Variants in TSHZ2 observed in about 807,000 individuals in gnomAD.
TSHZ2 encodes the protein teashirt zinc finger homeobox 2.
A neutral mutation model predicts 74.4 loss-of-function variants in TSHZ2; 21 were observed. The observed-to-expected ratio is 0.28, with a 90% CI of 0.20 to 0.41. The LOEUF (loss-of-function observed/expected upper bound fraction) is 0.41. Among genes scored for constraint, TSHZ2 ranks in the 10% least tolerant of loss-of-function variants. TSHZ2 has a pLI of 1.00. For synonymous variants in TSHZ2, 540 were observed against 515.3 expected (o/e 1.05, Z -0.65); for missense variants, 1,244 against 1,293.5 (o/e 0.96, Z 0.59).
intron 1 of TSHZ2, among the ~76,000 whole-genome samples, chr20:52,991,089 G>A (rs188966944): frequency 1.3e-5 from 2 of 152,052 alleles, no homozygotes; most frequent in East Asian, 1.9e-4. Flanking sequence ...GTTGTGGCAG[G>A]GGAAGAGAGC....
In TSHZ2 at chr20:53,115,377, G is replaced by A. The variant is rs1377534014; in HGVS notation, c.41-138122G>A. Among the ~76,000 whole-genome samples the A allele has an allele frequency of 6.6e-5, 10 of 152,144 alleles. No individual in the cohort carries two copies. The East Asian group carries it at 1.9e-3, about 29-fold the overall frequency. On this transcript the variant is annotated intron_variant, in intron 1 of 2. Transcript: ENST00000371497. ...TTTCCTATGCTGTTCTCATGGTAGTGAATAAGTCTCATGGGATCTGATGGT... is the reference window on the plus strand; with the variant it reads ...TTTCCTATGCTGTTCTCATGGTAGTAAATAAGTCTCATGGGATCTGATGGT...
chr20:53,356,708 A>C (rs774690429), intron 2 of TSHZ2, among the ~76,000 whole-genome samples: 5 of 152,174 alleles, frequency 3.3e-5, no homozygotes, highest in Non-Finnish European at 5.9e-5. Context: ...AAAAGGATCC[A>C]TAAGTCCAAA....
chr20:53,388,595 T>A (rs1982137244), intron 2 of TSHZ2, among the ~76,000 whole-genome samples: 1 of 140,240 alleles, frequency 7.1e-6, no homozygotes, highest in African/African-American at 2.8e-5. Context: ...TTTTCTTTCT[T>A]TTTTTTTTTT....
intron 1 of TSHZ2, among the ~76,000 whole-genome samples, chr20:53,001,163 G>C (rs1021799178): frequency 1.3e-5 from 2 of 148,276 alleles, no homozygotes; most frequent in Non-Finnish European, 1.5e-5. Context: ...AGAGAGACCC[G>C]GTCTGGGTTT....
At chr20:53,071,700 A>G (rs2123198650) in intron 1 of TSHZ2, among the ~76,000 whole-genome samples, 1 of 152,122 alleles carries the variant, frequency 6.6e-6, no homozygotes, top group South Asian at 2.1e-4. Context: ...GACTTCTGTG[A>G]CCCATCACAG....
chr20:53,355,208 A>G (rs773541571), intron 2 of TSHZ2, among the ~76,000 whole-genome samples: 23 of 152,246 alleles, frequency 1.5e-4, no homozygotes, highest in Non-Finnish European at 2.4e-4. Context: ...ACTACAAATG[A>G]TAAGTGTTCT....
chr20:53,022,102 G>T (rs973395268), intron 1 of TSHZ2, among the ~76,000 whole-genome samples: 1 of 152,154 alleles, frequency 6.6e-6, no homozygotes, highest in East Asian at 1.9e-4. Context: ...CTAAGTGACT[G>T]CAAAATGAAA....
intron 2 of TSHZ2, among the ~76,000 whole-genome samples, chr20:53,370,605 T>A (rs866500202): frequency 5.9e-5 from 9 of 151,690 alleles, no homozygotes; most frequent in Admixed American, 2.6e-4. Context: ...TACAAAAAAA[T>A]TTTTAAAAAT....
At chr20:53,457,974 A>C (rs1985175062) in intron 2 of TSHZ2, among the ~76,000 whole-genome samples, 1 of 150,810 alleles carries the variant, frequency 6.6e-6, no homozygotes, top group African/African-American at 2.4e-5. Context: ...TATTTTATTG[A>C]GGATTTTTGC....
At chr20:53,401,286 A>G (rs1021423909) in intron 2 of TSHZ2, 10 of 152,252 alleles carry the variant, frequency 6.6e-5, no homozygotes, top group African/African-American at 2.2e-4. Flanking sequence ...CAGTAGTGAC[A>G]TTTCAATCAA....
intron 1 of TSHZ2, among the ~76,000 whole-genome samples, chr20:53,208,394 C>A (rs1326350209): frequency 6.6e-6 from 1 of 152,148 alleles, no homozygotes; most frequent in African/African-American, 2.4e-5. Flanking sequence ...CTGTGCCAGG[C>A]ATCAGCTCTT....
intron 1 of TSHZ2, among the ~76,000 whole-genome samples, chr20:52,996,455 G>A (rs1421719388): frequency 6.6e-6 from 1 of 151,902 alleles, no homozygotes; most frequent in African/African-American, 2.4e-5. Context: ...TTGAACAGGA[G>A]GAAAAAAATG....
intron 2 of TSHZ2, among the ~76,000 whole-genome samples, chr20:53,295,514 C>T (rs192358551): frequency 4.0e-4 from 61 of 152,228 alleles, no homozygotes; most frequent in Non-Finnish European, 7.5e-4. Context: ...CGGTGTTTCC[C>T]TAATTGTATT....
intron 1 of TSHZ2, among the ~76,000 whole-genome samples, chr20:53,086,516 C>T (rs1222182898): frequency 6.6e-6 from 1 of 152,082 alleles, no homozygotes. Context: ...AGATCATCCC[C>T]AAGTGTGTCT....
At chr20:53,217,440 C>G (rs1000762811) in intron 1 of TSHZ2, among the ~76,000 whole-genome samples, 2 of 152,082 alleles carry the variant, frequency 1.3e-5, no homozygotes, top group African/African-American at 2.4e-5. Context: ...AAAGGGATAA[C>G]AGATGGAAGA....
chr20:53,332,639 G>A (rs6022393), intron 2 of TSHZ2, among the ~76,000 whole-genome samples: 2,069 of 152,234 alleles, frequency 0.014, 39 homozygotes, highest in African/African-American at 0.046. Context: ...ATGACGAGGC[G>A]AAACTGGAGA....
chr20:53,021,591 G>C (rs1037885361), intron 1 of TSHZ2, among the ~76,000 whole-genome samples: 2 of 152,080 alleles, frequency 1.3e-5, no homozygotes, highest in East Asian at 3.8e-4. Context: ...TTCCCCTTAC[G>C]ATAAATATGC....
At chr20:53,203,346 C>G (rs942038988) in intron 1 of TSHZ2, among the ~76,000 whole-genome samples, 1 of 152,010 alleles carries the variant, frequency 6.6e-6, no homozygotes, top group Non-Finnish European at 1.5e-5. Context: ...AGGCACCCAC[C>G]ACCATACCTG....
intron 2 of TSHZ2, among the ~76,000 whole-genome samples, chr20:53,405,248 C>CAAAAAAA (rs796097312): frequency 6.3e-5 from 9 of 143,378 alleles, no homozygotes; most frequent in African/African-American, 2.2e-4. Context: ...GACTCTGTCT[C>CAAAAAAA]AAAAAAAAAA....
Sources: gnomAD v4.1 joint callset for allele counts (sites outside exome capture counted in the v4.1 genomes callset) on GRCh38, gnomAD v4.1.1 for gene constraint, MANE v1.5 for transcripts, NCBI Gene and HGNC (gene_info 2026-07-23, HGNC 2026-07-21) for gene names.